DYM: variants seen among roughly 807,000 people sequenced by gnomAD.
DYM encodes dyggve-Melchior-Clausen syndrome protein.
Under a neutral mutation model 93.1 loss-of-function variants are expected in DYM, and 78 were observed. The ratio of observed to expected loss-of-function variants is 0.84; its 90% CI spans 0.70 to 1.01. The LOEUF (loss-of-function observed/expected upper bound fraction) is 1.01, where lower values mean the gene tolerates loss of function less well. Ranked by LOEUF, DYM falls within the 50% of genes least tolerant of loss-of-function variation. The probability of loss-of-function intolerance (pLI) is 0.00; values close to 1 mark genes in which losing one functional copy is unlikely to be tolerated. For synonymous variants in DYM, 321 were observed against 319.7 expected, an observed-to-expected ratio of 1.00 and a Z score of -0.04; for missense variants, 789 against 845.0, an observed-to-expected ratio of 0.93 and a Z score of 0.82.
At chr18:49,245,214 T>C (rs1010657729) in intron 13 of DYM, among the ~76,000 whole-genome samples, 2 of 152,216 alleles carry the variant, frequency 1.3e-5, no homozygotes, top group Non-Finnish European at 2.9e-5. Flanking sequence ...CTGTGATGAT[T>C]GTGTTAACTG....
Position 49,286,485 on chromosome 18 carries a change from C to G in DYM, c.895G>C (p.Asp299His), listed in dbSNP as rs756090943. 3.7e-6 allele frequency: 6 copies of G among 1,614,172 alleles called. No individual in the cohort carries two copies. The highest frequency in any genetic ancestry group is 5.1e-6 in the Non-Finnish European group (6 of 1,180,006). ...GCTTGTCTGTAGGGGTTTGGCGCAT[C>G]TGAGGCATCTGTCAGATTGGCCAAC... Reference protein sequence around the residue: ...LVLANLTDASDAPNPYRQAIM... With the variant: ...LVLANLTDASHAPNPYRQAIM... Residue 299 changes from aspartate to histidine, a missense_variant, in exon 9 of 18, where the codon GAT becomes CAT. This residue lies in a region of DYM where 450 missense variants were observed against 436.2 expected (regional missense o/e 1.03). Transcript: ENST00000675505.
intron 17 of DYM, among the ~76,000 whole-genome samples, chr18:49,089,044 T>C (rs1239802990): frequency 2.6e-5 from 4 of 152,198 alleles, no homozygotes; most frequent in Non-Finnish European, 5.9e-5. Context: ...GTGATCCTCC[T>C]GCCTCAGCCT....
intron 14 of DYM, among the ~76,000 whole-genome samples, chr18:49,189,143 A>G (rs2090731813): frequency 6.6e-6 from 1 of 152,196 alleles, no homozygotes; most frequent in Admixed American, 6.5e-5. Context: ...ACAGAAACTG[A>G]GGACTCCAAA....
intron 8 of DYM, among the ~76,000 whole-genome samples, chr18:49,313,543 T>C (rs1272523635): frequency 7.6e-6 from 1 of 132,304 alleles, no homozygotes; most frequent in Non-Finnish European, 1.6e-5. Flanking sequence ...GACATCACCC[T>C]ATATGGTCTA....
At chr18:49,264,422 C>G (rs933048855) in intron 11 of DYM, among the ~76,000 whole-genome samples, 1 of 152,142 alleles carries the variant, frequency 6.6e-6, no homozygotes, top group African/African-American at 2.4e-5. Flanking sequence ...ACTCCCACTA[C>G]CAGCATATGA....
At chr18:49,440,978 A>ATAT (rs2081378192) in intron 1 of DYM, among the ~76,000 whole-genome samples, 2 of 3,110 alleles carry the variant, frequency 6.4e-4, no homozygotes, top group Non-Finnish European at 1.3e-3. Flanking sequence ...TATATAATAT[A>ATAT]TTATATATAA....
intron 9 of DYM, among the ~76,000 whole-genome samples, chr18:49,284,773 A>C (rs921618740): frequency 6.6e-6 from 1 of 152,164 alleles, no homozygotes; most frequent in Non-Finnish European, 1.5e-5. Flanking sequence ...GAACAGAAAA[A>C]TACTAACAGA....
At chr18:49,348,865 C>T (rs11664257) in intron 6 of DYM, among the ~76,000 whole-genome samples, 45,460 of 143,458 alleles carry the variant, frequency 0.32, 8,214 homozygotes, top group Middle Eastern at 0.47. Context: ...GCCATGATCG[C>T]GCCATTGCAC....
intron 13 of DYM, among the ~76,000 whole-genome samples, chr18:49,221,124 A>AC (rs2093335482): frequency 6.6e-6 from 1 of 152,230 alleles, no homozygotes; most frequent in African/African-American, 2.4e-5. Context: ...TCAAAAGAAG[A>AC]CATTTATGCA....
Position 49,201,418 on chromosome 18 carries a change from T to C in DYM, c.1625+8133A>G, listed in dbSNP as rs1251410147. 2.6e-5 allele frequency among the ~76,000 whole-genome samples: 4 copies of C among 152,160 alleles called. No individual in the cohort carries two copies. The East Asian group carries it at 7.7e-4, about 29-fold the overall frequency. On this transcript the variant is annotated intron_variant, in intron 14 of 17. Transcript: ENST00000675505. ...TGGTCTATTACCTAAATTCAGATTC[T>C]TTCACCTCAGGTTCATTTAAATGCA...
intron 13 of DYM, among the ~76,000 whole-genome samples, chr18:49,221,764 G>A (rs1005683679): frequency 3.9e-5 from 6 of 152,092 alleles, no homozygotes; most frequent in African/African-American, 1.4e-4. Flanking sequence ...TGTGGGGTGG[G>A]GGAAGGAGGG....
chr18:49,256,083 CAAA>C (rs11337971), intron 13 of DYM, among the ~76,000 whole-genome samples: 26 of 85,856 alleles, frequency 3.0e-4, no homozygotes, highest in Middle Eastern at 5.7e-3. Context: ...GACTCCATCT[CAAA>C]AAAAAAAAAA....
intron 10 of DYM, among the ~76,000 whole-genome samples, chr18:49,279,678 T>C (rs2094924027): frequency 6.6e-6 from 1 of 152,222 alleles, no homozygotes; most frequent in Non-Finnish European, 1.5e-5. Context: ...GGTTTCCTGC[T>C]TATTGCCAAC....
At chr18:49,414,163 G>A (rs2072633076) in intron 2 of DYM, among the ~76,000 whole-genome samples, 1 of 152,284 alleles carries the variant, frequency 6.6e-6, no homozygotes, top group African/African-American at 2.4e-5. Flanking sequence ...CCAGAAACTG[G>A]AGGGAGAGGA....
chr18:49,455,439 C>T (rs933548865), intron 1 of DYM, among the ~76,000 whole-genome samples: 10 of 152,130 alleles, frequency 6.6e-5, no homozygotes, highest in Admixed American at 6.5e-4. Context: ...TGAAAAACAA[C>T]TAATAGTTAT....
chr18:49,390,951 C>A, intron 3 of DYM: 1 of 154,036 alleles, frequency 6.5e-6, no homozygotes, highest in Non-Finnish European at 1.4e-5. Context: ...ATACAATTTC[C>A]TTCCAATTGC....
intron 13 of DYM, among the ~76,000 whole-genome samples, chr18:49,217,721 A>G (rs967147872): frequency 6.6e-6 from 1 of 152,188 alleles, no homozygotes; most frequent in Non-Finnish European, 1.5e-5. Context: ...TTTTCTCACC[A>G]CCAGGCCTGC....
At chr18:49,092,532 T>C (rs1431940175) in intron 17 of DYM, among the ~76,000 whole-genome samples, 2 of 152,338 alleles carry the variant, frequency 1.3e-5, no homozygotes, top group African/African-American at 2.4e-5. Flanking sequence ...TGAAAGATGA[T>C]ACATTTTTCT....
Position 49,363,165 on chromosome 18 carries a change from G to A in DYM, c.490C>T (p.Leu164Phe). The A allele has an allele frequency of 6.2e-7, 1 of 1,612,714 alleles. No homozygotes were observed. Among genetic ancestry groups the A allele is most frequent in the Non-Finnish European group, 8.5e-7 (1 of 1,178,788 alleles). The change falls in exon 6 of 18, where the codon CTC becomes TTC. Residue 164 changes from leucine to phenylalanine, a missense_variant. Transcript: ENST00000675505. ...CLMQLITDIP[L>F]LDITYEISVE... ...CCTGGCCTAGCCAGAACTTACAAGA[G>A]TGGAATATCAGTGATCAACTGCATC...
Sources: gnomAD v4.1 joint callset for allele counts (sites outside exome capture counted in the v4.1 genomes callset) on GRCh38, gnomAD v4.1.1 for gene constraint, gnomAD v4.1.1 regional missense constraint, MANE v1.5 for transcripts, NCBI Gene and HGNC (gene_info 2026-07-23, HGNC 2026-07-21) for gene names.